Variants in ZNF839 observed in about 807,000 individuals in gnomAD.
ZNF839 encodes zinc finger protein 839.
A neutral mutation model predicts 56.4 loss-of-function variants in ZNF839; 38 were observed. The observed-to-expected ratio is 0.67, with a 90% CI of 0.52 to 0.88. The LOEUF is 0.88. ZNF839 is among the 40% of genes least tolerant of loss of function. ZNF839 has a pLI of 0.00. For missense variants in ZNF839, 1,091 were observed against 1,177.6 expected (o/e 0.93, Z 1.08); for synonymous variants, 486 against 493.5 (o/e 0.98, Z 0.20).
At position 102,325,951 on chromosome 14, in the gene ZNF839, C is replaced by G. The variant is rs551457178; in HGVS notation, c.289-34C>G. 1.8e-4 allele frequency: 287 copies of G among 1,594,832 alleles called. No individual in the cohort carries two copies. The East Asian group carries it at 2.0e-3, about 11-fold the overall frequency. On this transcript the variant is annotated intron_variant, in intron 1 of 7. Transcript: ENST00000442396. ...TGCAGACATGTTCATAAGCACAATG[C>G]TTCTTTTCTCTTTCTTGTCTTTCTG...
At chr14:102,319,661 G>A, upstream of ZNF839, 2 of 1,204,346 alleles carry the variant, frequency 1.7e-6, no homozygotes, top group Non-Finnish European at 2.1e-6. This position sits in a 1 kb window ranked among gnomAD's most constrained non-coding sequence, Gnocchi z 4.5. Context: ...GCCTTCCTAG[G>A]TGTCTTGGCC....
At chr14:102,334,382 C>T (rs753959804) in intron 3 of ZNF839, among the ~76,000 whole-genome samples, 172 bp from the exon 4 acceptor site, 1 of 152,224 alleles carries the variant, frequency 6.6e-6, no homozygotes, top group Non-Finnish European at 1.5e-5. Flanking sequence ...CATAGTACTT[C>T]ATTAAGGAGC....
At chr14:102,323,497 C>T (rs193003245) in intron 1 of ZNF839, among the ~76,000 whole-genome samples, 14 of 152,266 alleles carry the variant, frequency 9.2e-5, no homozygotes, top group Admixed American at 3.3e-4. Flanking sequence ...TTCTGGCACG[C>T]GGTCAGTGCT....
chr14:102,325,910 A>C, intron 1 of ZNF839, 75 bp from the exon 2 acceptor site: 1 of 1,482,080 alleles, frequency 6.7e-7, no homozygotes, highest in Non-Finnish European at 9.1e-7. Context: ...TAATGGTTTT[A>C]TGACGAGACT....
chr14:102,321,567 A>G (rs1283644145), intron 1 of ZNF839, among the ~76,000 whole-genome samples: 1 of 152,172 alleles, frequency 6.6e-6, no homozygotes, highest in Admixed American at 6.6e-5. Flanking sequence ...CATTCTTTTA[A>G]TACTCTTTCA....
intron 4 of ZNF839, chr14:102,335,141 C>A (rs184728531): frequency 6.5e-6 from 1 of 154,614 alleles, no homozygotes; most frequent in South Asian, 2.0e-4. Context: ...GGTCACACAC[C>A]GTGCCTGGTG....
upstream of ZNF839, chr14:102,319,739 C>T (rs1021363158): frequency 1.5e-5 from 18 of 1,227,528 alleles, no homozygotes; most frequent in African/African-American, 2.8e-4. This position sits in a 1 kb window ranked among gnomAD's most constrained non-coding sequence, Gnocchi z 4.5. Context: ...CTCAGCGACC[C>T]GGGTTCGAGT....
chr14:102,326,144 C>G lies in ZNF839; in HGVS notation c.448C>G (p.Leu150Val). Residue 150 changes from leucine to valine, a missense_variant, in exon 2 of 8, where the codon CTG becomes GTG. By Grantham distance (32) the Leu-to-Val change is conservative (BLOSUM62 1). This residue lies in a region of ZNF839 where 614 missense variants were observed against 629.2 expected (regional missense o/e 0.98). Transcript: ENST00000442396. The surrounding 1 kb of genome is among the most constrained non-coding windows in gnomAD (Gnocchi z 4.3). ...LVGLHIASPQ[L>V]LRVQPLVRTE... ...GGGGCTCCATATCGCCAGCCCTCAG[C>G]TGCTCAGGGTACAGCCGCTTGTGAG... The G allele has an allele frequency of 1.9e-6, 3 of 1,613,934 alleles. No individual in the cohort carries two copies. Among genetic ancestry groups the G allele is most frequent in the Non-Finnish European group, 2.5e-6 (3 of 1,179,860 alleles).
At chr14:102,341,162 T>G (rs1466011580) in intron 7 of ZNF839, 161 bp from the exon 8 acceptor site, 2 of 679,248 alleles carry the variant, frequency 2.9e-6, no homozygotes, top group Non-Finnish European at 4.4e-6. Flanking sequence ...AATAGGGACG[T>G]ATTTTTTAAA....
rs777216988 is a variant in ZNF839, at chr14:102,339,096, T to A, written c.1800T>A (p.Ala600=). The change falls in exon 7 of 8, where the codon GCT becomes GCA. Residue 600 remains alanine, a splice_region_variant and synonymous_variant. Transcript: ENST00000442396. ...CTGATTGGGTCTTCTCTTCACAGGC[T>A]GCGGAGGAGGGACTGGCCTCAGTGA... The part of the protein sequence containing the change: ...GASSEKRERE[A]AEEGLASVKR... 1.5e-5 allele frequency: 24 copies of A among 1,613,726 alleles called. No individual in the cohort carries two copies. The highest frequency in any genetic ancestry group is 8.5e-7 in the Non-Finnish European group (1 of 1,179,830).
intron 2 of ZNF839, among the ~76,000 whole-genome samples, chr14:102,329,899 T>G (rs760371954): frequency 6.6e-6 from 1 of 151,152 alleles, no homozygotes; most frequent in Non-Finnish European, 1.5e-5. Context: ...GTTCAGGCGA[T>G]TCTCCTGCCT....
intron 3 of ZNF839, among the ~76,000 whole-genome samples, chr14:102,334,067 C>T (rs1049982570): frequency 1.1e-4 from 17 of 152,360 alleles, no homozygotes; most frequent in Admixed American, 8.5e-4. Context: ...GCCAGGCTTC[C>T]AGCCCTGCCC....
intron 1 of ZNF839, among the ~76,000 whole-genome samples, chr14:102,322,344 G>A (rs2073173284): frequency 6.6e-6 from 1 of 152,216 alleles, no homozygotes; most frequent in African/African-American, 2.4e-5. Context: ...GGTATGGCAG[G>A]GGAAACCGCC....
rs1265116014 is a variant in ZNF839, at chr14:102,330,255, G to A, written c.1192-1367G>A. Among the ~76,000 whole-genome samples the A allele has an allele frequency of 2.7e-5, 4 of 150,596 alleles. No homozygotes were observed. In the East Asian group the frequency reaches 5.9e-4, roughly 22 times the overall value. On this transcript the variant is annotated intron_variant, in intron 2 of 7. Transcript: ENST00000442396. ...AATTTTTATTATTATTTTTTGAGAC[G>A]GAGGTTTGCTCTTGTTGCCCAGTCT...
In ZNF839 at chr14:102,326,327, G is replaced by A. The variant is rs372836943; in HGVS notation, c.631G>A (p.Ala211Thr). 17 of 1,610,794 alleles carry A rather than the reference G, an allele frequency of 1.1e-5. 1 individual carries two copies. Among genetic ancestry groups the A allele is most frequent in the Non-Finnish European group, 1.4e-5 (17 of 1,178,518 alleles). Reference protein sequence around the residue: ...EQGSMLTPLSASDPLAVTSLS... With the variant: ...EQGSMLTPLSTSDPLAVTSLS... ...GGGCTCCATGTTGACCCCTTTGTCT[G>A]CCTCTGACCCGCTGGCAGTAACATC... is the stretch of plus-strand genomic sequence containing the variant. Residue 211 changes from alanine (A) to threonine (T), a missense_variant, in exon 2 of 8, where the codon GCC (alanine) becomes ACC (threonine). Physicochemically the swap from Ala to Thr is moderately conservative, Grantham distance 58 (BLOSUM62 0). This residue lies in a region of ZNF839 where 614 missense variants were observed against 629.2 expected (regional missense o/e 0.98). Coordinates refer to ENST00000442396, the MANE Select transcript of ZNF839 (RefSeq NM_018335.6). The surrounding 1 kb of genome is among the most constrained non-coding windows in gnomAD (Gnocchi z 4.3).
At chr14:102,324,267 G>A (rs1051816475) in intron 1 of ZNF839, among the ~76,000 whole-genome samples, 13 of 152,086 alleles carry the variant, frequency 8.5e-5, no homozygotes, top group African/African-American at 2.7e-4. Context: ...GGGTAACGCC[G>A]GGCACGGTGG....
intron 2 of ZNF839, among the ~76,000 whole-genome samples, chr14:102,328,453 A>G (rs189201044): frequency 7.2e-4 from 103 of 143,488 alleles, no homozygotes; most frequent in Admixed American, 5.6e-3. Context: ...AACACATAGC[A>G]TGACATGTAC....
intron 5 of ZNF839, chr14:102,336,672 A>G (rs1472172002): frequency 2.3e-6 from 1 of 432,258 alleles, no homozygotes; most frequent in Non-Finnish European, 4.6e-6. Context: ...AGAAAATGGA[A>G]AACACCATAA....
chr14:102,336,234 G>A (rs1003739374), intron 5 of ZNF839, among the ~76,000 whole-genome samples: 13 of 151,290 alleles, frequency 8.6e-5, no homozygotes, highest in Non-Finnish European at 8.8e-5. Context: ...AATGTTTTTA[G>A]TAATGACATT....
Sources: allele counts gnomAD v4.1 joint callset (sites outside exome capture counted in the v4.1 genomes callset), GRCh38; gene constraint gnomAD v4.1.1; regional missense constraint gnomAD v4.1.1; non-coding constraint Gnocchi (gnomAD v3.1); transcripts MANE v1.5; gene names NCBI Gene and HGNC (gene_info 2026-07-23, HGNC 2026-07-21).